CPD: variants seen among roughly 807,000 people sequenced by gnomAD.
The protein encoded by CPD is metallocarboxypeptidase D.
In CPD, 69 loss-of-function variants were observed where a neutral mutation model predicts 138.3. The observed-to-expected ratio is 0.50, with a 90% CI of 0.41 to 0.61. CPD has a LOEUF of 0.61. CPD is among the 20% of genes least tolerant of loss of function. The probability of loss-of-function intolerance (pLI) is 0.00; values close to 1 mark genes in which losing one functional copy is unlikely to be tolerated. For synonymous variants in CPD, 651 were observed against 642.1 expected, an observed-to-expected ratio of 1.01 and a Z score of -0.21; for missense variants, 1,432 against 1,733.3, an observed-to-expected ratio of 0.83 and a Z score of 3.09.
At chr17:30,408,031 A>C (rs756290487) in intron 2 of CPD, among the ~76,000 whole-genome samples, 4 of 152,244 alleles carry the variant, frequency 2.6e-5, no homozygotes, top group Non-Finnish European at 4.4e-5. Context: ...AGCTTCCTAC[A>C]TATGGCTACC....
intron 8 of CPD, among the ~76,000 whole-genome samples, chr17:30,437,780 G>A (rs907628408): frequency 6.6e-6 from 1 of 151,878 alleles, no homozygotes; most frequent in Non-Finnish European, 1.5e-5. Context: ...TGATAAGAGA[G>A]TGATGGGATG....
At chr17:30,399,496 G>GT (rs1911596192) in intron 2 of CPD, among the ~76,000 whole-genome samples, 1 of 151,968 alleles carries the variant, frequency 6.6e-6, no homozygotes, top group Non-Finnish European at 1.5e-5. Flanking sequence ...AATTCTGATT[G>GT]TTGCATGCAC....
chr17:30,405,445 A>T (rs1039697739), intron 2 of CPD, among the ~76,000 whole-genome samples: 1 of 152,122 alleles, frequency 6.6e-6, no homozygotes, highest in Non-Finnish European at 1.5e-5. Context: ...TGGCATAGTG[A>T]ATTGAGTGAA....
At chr17:30,401,423 C>T (rs1270827990) in intron 2 of CPD, among the ~76,000 whole-genome samples, 1 of 148,540 alleles carries the variant, frequency 6.7e-6, no homozygotes, top group African/African-American at 2.5e-5. Context: ...CCTCTTCCTC[C>T]TCTTCCTCTT....
intron 1 of CPD, among the ~76,000 whole-genome samples, 196 bp from the exon 2 acceptor site, chr17:30,384,793 T>C (rs986285091): frequency 1.3e-5 from 2 of 152,236 alleles, no homozygotes; most frequent in African/African-American, 2.4e-5. Flanking sequence ...AAATCTTAAA[T>C]TGATAATACT....
In CPD at chr17:30,379,337, C is replaced by T. The variant is rs959203028; in HGVS notation, c.357C>T (p.Pro119=). ...ACGCGGGGCCTGACGCTGCCGGGCCCGACGCTGCGGGGCCGCTGCTGCCCG... is the reference window on the plus strand; with the variant it reads ...ACGCGGGGCCTGACGCTGCCGGGCCTGACGCTGCGGGGCCGCTGCTGCCCG... The part of the protein sequence containing the change: ...EGDAGPDAAG[P]DAAGPLLPGR... The change falls in exon 1 of 21, where the codon CCC becomes CCT. Residue 119 remains proline (P), a synonymous_variant. Transcript: ENST00000225719. This position sits in a 1 kb window ranked among gnomAD's most constrained non-coding sequence, Gnocchi z 7.0. The T allele has an allele frequency of 3.4e-6, 5 of 1,489,894 alleles. No individual in the cohort carries two copies. In the African/African-American group the frequency reaches 5.9e-5, roughly 17 times the overall value. The allele number at this position is 1,489,894 out of a possible 1,614,324, so 92.3% of individuals were successfully genotyped here.
Position 30,378,970 on chromosome 17 carries a change from G to T in CPD, c.-11G>T. ...CGGGAGCGGAGCCGGGGTTAGCGGC[G>T]CTGCTGGAAGATGGCGAGCGGCCGG... On this transcript the variant is annotated 5_prime_UTR_variant, in exon 1 of 21. Transcript: ENST00000225719. 6.6e-7 allele frequency: 1 copy of T among 1,505,238 alleles called. No individual in the cohort carries two copies. Among genetic ancestry groups the T allele is most frequent in the Non-Finnish European group, 8.8e-7 (1 of 1,139,360 alleles). The allele number at this position is 1,505,238 out of a possible 1,614,324, so 93.2% of individuals were successfully genotyped here.
In CPD at chr17:30,443,789, G is replaced by A; in HGVS notation, c.2374-13G>A. The A allele has an allele frequency of 6.2e-7, 1 of 1,600,230 alleles. No homozygotes were observed. The highest frequency in any genetic ancestry group is 8.5e-7 in the Non-Finnish European group (1 of 1,170,636). The stretch of plus-strand genomic sequence containing the variant: ...TTTATTATTGAAATCTGGTGTCCTT[G>A]TACTTAATCCAGGTTCATCAGGGCG... On this transcript the variant is annotated splice_polypyrimidine_tract_variant and intron_variant, in intron 10 of 20. Coordinates refer to ENST00000225719, the MANE Select transcript of CPD (RefSeq NM_001304.5).
chr17:30,437,785 G>A (rs1912742924), intron 8 of CPD, among the ~76,000 whole-genome samples: 1 of 152,028 alleles, frequency 6.6e-6, no homozygotes, highest in Admixed American at 6.6e-5. Context: ...AGAGAGTGAT[G>A]GGATGATAAG....
intron 12 of CPD, among the ~76,000 whole-genome samples, chr17:30,449,108 T>C (rs947972622): frequency 6.6e-6 from 1 of 151,710 alleles, no homozygotes; most frequent in Non-Finnish European, 1.5e-5. Flanking sequence ...ACCCTGTCTC[T>C]TAAAAATATA....
In CPD at chr17:30,379,594, CCAGCGGCCGCGACAATAGTCGCGG is replaced by C. The variant is rs1322215610; in HGVS notation, c.616_639del (p.Ser206_Gly213del). 6.7e-7 allele frequency: 1 copy of C among 1,482,360 alleles called. No individual in the cohort carries two copies. The allele number at this position is 1,482,360 out of a possible 1,614,324, so 91.8% of individuals were successfully genotyped here. On this transcript the variant is annotated inframe_deletion, in exon 1 of 21. Transcript: ENST00000225719. The surrounding 1 kb of genome is among the most constrained non-coding windows in gnomAD (Gnocchi z 7.0). ...TTCGGCGACGGCGGCCCGTCCGGGG[CCAGCGGCCGCGACAATAGTCGCGG>C]CCGCGACCTCAACCGAAGCTTTCCC...
chr17:30,400,357 C>G (rs535036913), intron 2 of CPD, among the ~76,000 whole-genome samples: 7 of 152,260 alleles, frequency 4.6e-5, no homozygotes, highest in African/African-American at 1.7e-4. Flanking sequence ...TTATCCTCCC[C>G]TTTTATGTTG....
At position 30,465,882 on chromosome 17, in the gene CPD, T is replaced by C. The variant is rs1052617088; in HGVS notation, c.*1068T>C. ...AATAGCATACTATTATTGAAATCGC[T>C]TGACCGGTCTTGTTCACATAGGCCT... On this transcript the variant is annotated 3_prime_UTR_variant, in exon 21 of 21. Transcript: ENST00000225719. 6.6e-6 allele frequency: 1 copy of C among 152,652 alleles called. No homozygotes were observed. The highest frequency in any genetic ancestry group is 1.5e-5 in the Non-Finnish European group (1 of 68,030). The allele number at this position is 152,652 out of a possible 1,614,324, so 9.5% of individuals were successfully genotyped here.
chr17:30,421,983 A>G, intron 4 of CPD, 150 bp downstream of exon 4: 1 of 671,358 alleles, frequency 1.5e-6, no homozygotes, highest in Non-Finnish European at 2.4e-6. Flanking sequence ...TAATAAGAAA[A>G]TACTATTGTG....
At chr17:30,421,265 G>C (rs1241376950) in intron 3 of CPD, among the ~76,000 whole-genome samples, 2 of 152,008 alleles carry the variant, frequency 1.3e-5, no homozygotes, top group South Asian at 4.1e-4. Flanking sequence ...AGCCAAATTT[G>C]TACTCTCAGG....
chr17:30,384,392 A>G lies in CPD; in HGVS notation c.747-597A>G, dbSNP rs530933291. Among the ~76,000 whole-genome samples, 104 of 152,362 alleles carry G rather than the reference A, an allele frequency of 6.8e-4. 1 individual carries two copies. In the Middle Eastern group the frequency reaches 0.014, roughly 20 times the overall value. On this transcript the variant is annotated intron_variant, in intron 1 of 20. Transcript: ENST00000225719. ...TAAAAAGCATAAAAGTTATTAACCT[A>G]ACATATATGCAATGAATATTTATAT...
chr17:30,467,659 A>G lies in CPD; in HGVS notation c.*2845A>G, dbSNP rs932027024. On this transcript the variant is annotated 3_prime_UTR_variant, in exon 21 of 21. Transcript: ENST00000225719. ...ATGACTATTGAATTTAAAACTAATT[A>G]TGAGTTGACAAATAAATAAAAGGTA... is the stretch of plus-strand genomic sequence containing the variant. 6 of 152,204 alleles carry G rather than the reference A, an allele frequency of 3.9e-5. No homozygotes were observed. Among genetic ancestry groups the G allele is most frequent in the Non-Finnish European group, 7.4e-5 (5 of 68,016 alleles). The allele number at this position is 152,204 out of a possible 1,614,324, so 9.4% of individuals were successfully genotyped here. A position where few individuals can be genotyped will look rare whatever the true frequency, so the allele number is the denominator to read the frequency against.
At chr17:30,415,795 C>T (rs1451047526) in intron 2 of CPD, among the ~76,000 whole-genome samples, 1 of 152,126 alleles carries the variant, frequency 6.6e-6, no homozygotes, top group Non-Finnish European at 1.5e-5. Context: ...AAAATGGAAT[C>T]TTATTCAGCC....
chr17:30,459,375 C>T (rs1913403688), intron 17 of CPD, among the ~76,000 whole-genome samples: 1 of 150,026 alleles, frequency 6.7e-6, no homozygotes. Context: ...GCTATCCCTC[C>T]CCCGACCCCA....
Sources: gnomAD v4.1 joint callset for allele counts (sites outside exome capture counted in the v4.1 genomes callset) on GRCh38, gnomAD v4.1.1 for gene constraint, Gnocchi (gnomAD v3.1) non-coding constraint, MANE v1.5 for transcripts, NCBI Gene and HGNC (gene_info 2026-07-23, HGNC 2026-07-21) for gene names.